Variants in RNF150 observed in about 807,000 individuals in gnomAD.
The protein encoded by RNF150 is ring finger protein 150.
In RNF150, 24 loss-of-function variants were observed where a neutral mutation model predicts 39.3. That is an observed-to-expected ratio of 0.61 (90% CI 0.44 to 0.86). RNF150 has a LOEUF of 0.86. Among genes scored for constraint, RNF150 ranks in the 40% least tolerant of loss-of-function variants. RNF150 has a pLI of 0.00. For missense variants in RNF150, 502 were observed against 587.8 expected (o/e 0.85, Z 1.51); for synonymous variants, 255 against 227.3 (o/e 1.12, Z -1.10).
chr4:140,960,296 G>C (rs1283417469), intron 2 of RNF150, among the ~76,000 whole-genome samples: 2 of 152,122 alleles, frequency 1.3e-5, no homozygotes, highest in African/African-American at 4.8e-5. Context: ...TAGGCTGTGT[G>C]ATACTGTGAT....
intron 1 of RNF150, among the ~76,000 whole-genome samples, chr4:141,091,017 C>A (rs1339121864): frequency 1.3e-5 from 2 of 152,088 alleles, no homozygotes; most frequent in Non-Finnish European, 2.9e-5. Context: ...TGAGTCCACA[C>A]CTGGAATATC....
At chr4:141,140,792 C>T (rs6853785) in intron 1 of RNF150, among the ~76,000 whole-genome samples, 34,780 of 152,092 alleles carry the variant, frequency 0.23, 4,143 homozygotes, top group African/African-American at 0.27. Context: ...CCTGCCCTTT[C>T]TATTTGGTTG....
At chr4:141,163,854 C>A (rs560066352) in intron 1 of RNF150, among the ~76,000 whole-genome samples, 24 of 152,196 alleles carry the variant, frequency 1.6e-4, no homozygotes, top group African/African-American at 5.8e-4. Context: ...GAGGAAAAAC[C>A]AGTGCAAAAA....
chr4:140,913,238 C>T lies in RNF150; in HGVS notation c.988-1884G>A, dbSNP rs145886448. On this transcript the variant is annotated intron_variant, in intron 5 of 6. Coordinates refer to ENST00000515673, the MANE Select transcript of RNF150 (RefSeq NM_020724.2). ...ATTGTCCCACTGCACTCCAGCCTGGCGACAGAGCAAGACTCTGTCTCAAGA... is the reference window on the plus strand; with the variant it reads ...ATTGTCCCACTGCACTCCAGCCTGGTGACAGAGCAAGACTCTGTCTCAAGA... Among the ~76,000 whole-genome samples, 1,460 of 152,090 alleles carry T rather than the reference C, an allele frequency of 9.6e-3. 29 individuals are homozygous for T. Among genetic ancestry groups the T allele is most frequent in the African/African-American group, 0.032 (1,328 of 41,494 alleles).
At chr4:140,939,235 T>A (rs979568739) in intron 4 of RNF150, among the ~76,000 whole-genome samples, 2 of 152,230 alleles carry the variant, frequency 1.3e-5, no homozygotes, top group African/African-American at 2.4e-5. Flanking sequence ...TTCTGTTTTT[T>A]ATTTTTGGTC....
chr4:141,156,962 T>C (rs1020297083), intron 1 of RNF150, among the ~76,000 whole-genome samples: 2 of 152,224 alleles, frequency 1.3e-5, no homozygotes, highest in Non-Finnish European at 2.9e-5. Flanking sequence ...GGTCCAGGCA[T>C]TTCCAAGCCT....
At chr4:140,999,273 C>T (rs2111495939) in intron 1 of RNF150, among the ~76,000 whole-genome samples, 1 of 152,258 alleles carries the variant, frequency 6.6e-6, no homozygotes, top group African/African-American at 2.4e-5. Flanking sequence ...TGTCATTCAT[C>T]CCAAAGAAGG....
chr4:141,148,389 T>G (rs775318424), intron 1 of RNF150, among the ~76,000 whole-genome samples: 2 of 152,142 alleles, frequency 1.3e-5, no homozygotes, highest in Non-Finnish European at 2.9e-5. Flanking sequence ...TTATAACATG[T>G]TTTTATTTCT....
intron 1 of RNF150, among the ~76,000 whole-genome samples, chr4:141,042,968 A>G (rs1414355215): frequency 6.6e-6 from 1 of 152,114 alleles, no homozygotes; most frequent in African/African-American, 2.4e-5. Flanking sequence ...TTTTACACCA[A>G]CCTAATACTT....
chr4:140,981,041 G>T (rs978317626), intron 1 of RNF150, among the ~76,000 whole-genome samples: 9 of 152,060 alleles, frequency 5.9e-5, no homozygotes, highest in Admixed American at 2.0e-4. Flanking sequence ...TTTATTAAAG[G>T]CTCAGATTGG....
At chr4:140,966,073 G>T (rs187212702) in intron 2 of RNF150, among the ~76,000 whole-genome samples, 1 of 151,906 alleles carries the variant, frequency 6.6e-6, no homozygotes, top group African/African-American at 2.4e-5. Context: ...AGTGGCTCAC[G>T]CCTGTAATCC....
Position 140,860,776 on chromosome 4 carries a change from C to A in RNF150, c.*7485G>T, listed in dbSNP as rs1257179223. 1 of 151,996 alleles carries A rather than the reference C, an allele frequency of 6.6e-6. No individual in the cohort carries two copies. Among genetic ancestry groups the A allele is most frequent in the Non-Finnish European group, 1.5e-5 (1 of 68,008 alleles). The allele number at this position is 151,996 out of a possible 1,614,324, so 9.4% of individuals were successfully genotyped here. ...TTCTAGTGGGAAATAATATGCTGTA[C>A]AAAGTGGTTAAAATAAGTTATTTCT... is the stretch of plus-strand genomic sequence containing the variant. On this transcript the variant is annotated 3_prime_UTR_variant, in exon 7 of 7. Transcript: ENST00000515673.
Position 140,860,065 on chromosome 4 carries a change from A to T in RNF150, c.*8196T>A, listed in dbSNP as rs1728423563. On this transcript the variant is annotated 3_prime_UTR_variant, in exon 7 of 7. Coordinates refer to ENST00000515673, the MANE Select transcript of RNF150 (RefSeq NM_020724.2). ...AAGTTGATTACGCTCTCCAAGTACAAAGAGAATAGAATAAAGCAAAATAAA... is the reference window on the plus strand; with the variant it reads ...AAGTTGATTACGCTCTCCAAGTACATAGAGAATAGAATAAAGCAAAATAAA... 6.6e-6 allele frequency: 1 copy of T among 152,194 alleles called. No individual in the cohort carries two copies. Among genetic ancestry groups the T allele is most frequent in the African/African-American group, 2.4e-5 (1 of 41,460 alleles). The allele number at this position is 152,194 out of a possible 1,614,324, so 9.4% of individuals were successfully genotyped here.
At chr4:140,966,478 C>T (rs1733249340) in intron 2 of RNF150, among the ~76,000 whole-genome samples, 1 of 152,022 alleles carries the variant, frequency 6.6e-6, no homozygotes, top group Middle Eastern at 3.2e-3. Flanking sequence ...GGGTTAATTT[C>T]CTTGACTAAT....
chr4:141,007,302 T>C (rs938469951), intron 1 of RNF150, among the ~76,000 whole-genome samples: 1 of 152,198 alleles, frequency 6.6e-6, no homozygotes, highest in Non-Finnish European at 1.5e-5. Flanking sequence ...TCTCTGAAAA[T>C]ACTCCTCCTT....
At position 141,132,843 on chromosome 4, in the gene RNF150, C is replaced by T; in HGVS notation, c.-35G>A. The T allele has an allele frequency of 1.9e-6, 3 of 1,568,902 alleles. No individual in the cohort carries two copies. The highest frequency in any genetic ancestry group is 1.1e-5 in the South Asian group (1 of 88,998). On this transcript the variant is annotated 5_prime_UTR_variant, in exon 1 of 7. Transcript: ENST00000515673. This position sits in a 1 kb window ranked among gnomAD's most constrained non-coding sequence, Gnocchi z 4.9. ...CCGGGGCCCCCTCCCCGCCCCCGCG[C>T]CCTCCCTCCGTCCCGTCCCTCCTCC...
chr4:141,132,422 C>G lies in RNF150; in HGVS notation c.387G>C (p.Arg129Ser). 6.2e-7 allele frequency: 1 copy of G among 1,609,892 alleles called. No individual in the cohort carries two copies. The highest frequency in any genetic ancestry group is 8.5e-7 in the Non-Finnish European group (1 of 1,178,618). ...GCAGGAACGCGTTCCGGATCTTATC[C>G]CTGTACGTGCAGTTGCCCTTGGGGA... is the stretch of plus-strand genomic sequence containing the variant. ...ALIPKGNCTY[R>S]DKIRNAFLQN... The change falls in exon 1 of 7, where the codon AGG becomes AGC. Residue 129 changes from arginine (R) to serine (S), a missense_variant. Arg to Ser is a moderately radical substitution (Grantham distance 110). Transcript: ENST00000515673. The surrounding 1 kb of genome is among the most constrained non-coding windows in gnomAD (Gnocchi z 4.9).
intron 1 of RNF150, among the ~76,000 whole-genome samples, chr4:141,057,186 A>AG (rs1737011417): frequency 2.0e-5 from 3 of 152,084 alleles, no homozygotes; most frequent in Admixed American, 2.0e-4. Context: ...TAAGTACTTA[A>AG]AACAGTGCCT....
intron 1 of RNF150, among the ~76,000 whole-genome samples, chr4:141,185,534 C>T (rs1727989963): frequency 6.6e-6 from 1 of 152,042 alleles, no homozygotes; most frequent in African/African-American, 2.4e-5. Context: ...TTTCTCTTGC[C>T]TCATTGTCCT....
Sources: gnomAD v4.1 joint callset for allele counts (sites outside exome capture counted in the v4.1 genomes callset) on GRCh38, gnomAD v4.1.1 for gene constraint, Gnocchi (gnomAD v3.1) non-coding constraint, MANE v1.5 for transcripts, NCBI Gene and HGNC (gene_info 2026-07-23, HGNC 2026-07-21) for gene names.